Variants in FRMPD4 observed in about 807,000 individuals in gnomAD.
The protein encoded by FRMPD4 is FERM and PDZ domain containing 4, also known as FERM and PDZ domain-containing protein 4.
A neutral mutation model predicts 94.1 loss-of-function variants in FRMPD4; 22 were observed. The observed-to-expected ratio is 0.23, with a 90% CI of 0.17 to 0.33. The LOEUF (loss-of-function observed/expected upper bound fraction) is 0.33, where lower values mean the gene tolerates loss of function less well. FRMPD4 is among the 10% of genes least tolerant of loss of function. FRMPD4 has a pLI of 1.00. For missense variants in FRMPD4, 1,111 were observed against 1,339.9 expected, an observed-to-expected ratio of 0.83 and a Z score of 2.67; for synonymous variants, 631 against 548.6, an observed-to-expected ratio of 1.15 and a Z score of -2.10.
rs776587503 is a variant in FRMPD4, at chrX:12,204,683, C to CCTTCT, written c.41+65681_41+65685dup. Among the ~76,000 whole-genome samples, 76 of 111,100 alleles carry CCTTCT rather than the reference C, an allele frequency of 6.8e-4. 1 individual carries two copies. Among genetic ancestry groups the CCTTCT allele is most frequent in the Non-Finnish European group, 1.1e-3 (60 of 52,969 alleles). ...CATCTCCTGCCTAGAACGCCTTTTC[C>CCTTCT]CTTCTCTTCTCTTCATCACTGTCTT... On this transcript the variant is annotated intron_variant, in intron 1 of 16. Transcript: ENST00000675598.
intron 4 of FRMPD4, among the ~76,000 whole-genome samples, chrX:12,655,917 G>A (rs1223671669): frequency 8.9e-6 from 1 of 112,175 alleles, no homozygotes; most frequent in Admixed American, 9.4e-5. Context: ...TACTTAGTTT[G>A]AGTGAGTTGA....
chrX:11,952,603 C>T (rs954626634), intron 3 of FRMPD4, among the ~76,000 whole-genome samples: 1 of 111,813 alleles, frequency 8.9e-6, no homozygotes, highest in Admixed American at 9.5e-5. Context: ...AGTTTTTTGC[C>T]CTGATTTTTT....
intron 1 of FRMPD4, among the ~76,000 whole-genome samples, chrX:12,249,022 G>A (rs1451082168): frequency 8.9e-6 from 1 of 112,863 alleles, no homozygotes; most frequent in African/African-American, 3.2e-5. Flanking sequence ...CTGGGCGATA[G>A]AATGAGACTC....
intron 3 of FRMPD4, among the ~76,000 whole-genome samples, chrX:11,918,000 A>C (rs2054034255): frequency 8.9e-6 from 1 of 111,919 alleles, no homozygotes; most frequent in Admixed American, 9.5e-5. Flanking sequence ...TGACTAGAAC[A>C]TAGAAGCTGA....
chrX:12,487,582 T>C, intron 1 of FRMPD4, among the ~76,000 whole-genome samples: 1 of 112,225 alleles, frequency 8.9e-6, no homozygotes. Flanking sequence ...TTTTCAAGTG[T>C]ATATGTTTGT....
chrX:12,107,148 C>A (rs2055306846), intron 3 of FRMPD4, among the ~76,000 whole-genome samples: 1 of 111,957 alleles, frequency 8.9e-6, no homozygotes, highest in Admixed American at 9.4e-5. Flanking sequence ...GAGGCACCCT[C>A]CAGTAGGGGC....
intron 3 of FRMPD4, among the ~76,000 whole-genome samples, chrX:11,971,140 G>T (rs1278217077): frequency 8.9e-6 from 1 of 111,951 alleles, no homozygotes; most frequent in Non-Finnish European, 1.9e-5. Context: ...GTCACTGAAT[G>T]TGTCTTAGCT....
At chrX:11,980,010 T>C (rs1289097857) in intron 3 of FRMPD4, among the ~76,000 whole-genome samples, 1 of 112,158 alleles carries the variant, frequency 8.9e-6, no homozygotes, top group East Asian at 2.8e-4. Context: ...TTAATGTGTG[T>C]GTGCACGCAC....
At chrX:12,422,404 A>T (rs61000879) in intron 1 of FRMPD4, among the ~76,000 whole-genome samples, 11,868 of 112,268 alleles carry the variant, frequency 0.11, 1,508 homozygotes, top group African/African-American at 0.36. Flanking sequence ...TTCATCTGAA[A>T]AATGGGGAAC....
At chrX:11,947,513 A>G (rs1201653895) in intron 3 of FRMPD4, among the ~76,000 whole-genome samples, 1 of 112,003 alleles carries the variant, frequency 8.9e-6, no homozygotes, top group East Asian at 2.8e-4. Flanking sequence ...ACAGTTCCTG[A>G]AATGTGAGTC....
At chrX:12,632,976 G>T (rs1223000987) in intron 4 of FRMPD4, among the ~76,000 whole-genome samples, 2 of 112,140 alleles carry the variant, frequency 1.8e-5, no homozygotes, top group East Asian at 5.6e-4. Context: ...AAAGAGAAAA[G>T]GAAGCAGCCA....
At chrX:12,373,297 C>A (rs191509501) in intron 1 of FRMPD4, 44 of 112,127 alleles carry the variant, frequency 3.9e-4, no homozygotes, top group African/African-American at 1.3e-3. Flanking sequence ...ATGCTTTAAC[C>A]TGGGTGTTTA....
At chrX:12,616,233 C>T (rs1459819820) in intron 4 of FRMPD4, among the ~76,000 whole-genome samples, 6 of 111,119 alleles carry the variant, frequency 5.4e-5, no homozygotes, top group African/African-American at 1.6e-4. Context: ...GGATTAGTAT[C>T]CTTATAAAAA....
chrX:11,978,928 C>T (rs1328278815), intron 3 of FRMPD4, among the ~76,000 whole-genome samples: 1 of 111,557 alleles, frequency 9.0e-6, no homozygotes, highest in Non-Finnish European at 1.9e-5. Flanking sequence ...CCCATAATAC[C>T]TTGTACTTTG....
At chrX:11,999,979 C>T (rs767050655) in intron 3 of FRMPD4, among the ~76,000 whole-genome samples, 42 of 112,001 alleles carry the variant, frequency 3.7e-4, no homozygotes, top group Non-Finnish European at 6.2e-4. Context: ...GCTTTGCATT[C>T]TCTCCTACTC....
intron 1 of FRMPD4, among the ~76,000 whole-genome samples, chrX:12,234,382 T>C (rs1487886713): frequency 8.9e-6 from 1 of 112,207 alleles, no homozygotes; most frequent in Admixed American, 9.5e-5. Context: ...GTTGGCACTT[T>C]ACAGCATAAA....
chrX:12,170,213 G>T (rs1234032612), intron 1 of FRMPD4, among the ~76,000 whole-genome samples: 3 of 107,338 alleles, frequency 2.8e-5, no homozygotes, highest in Non-Finnish European at 3.8e-5. Context: ...TGACAACAAG[G>T]TCTCCTATTC....
intron 2 of FRMPD4, among the ~76,000 whole-genome samples, chrX:11,873,713 T>G (rs1358471354): frequency 3.7e-5 from 4 of 109,398 alleles, no homozygotes; most frequent in East Asian, 2.9e-4. Context: ...GGCTTTTTTT[T>G]TTTTAAAAAA....
At position 12,207,814 on chromosome X, in the gene FRMPD4, A is replaced by G. The variant is rs142442601; in HGVS notation, c.41+68802A>G. ...CAAATCCCTAGTTGACTCCTAAACTATGCACATGCAGGTATGATTTCAAGG... is the reference window on the plus strand; with the variant it reads ...CAAATCCCTAGTTGACTCCTAAACTGTGCACATGCAGGTATGATTTCAAGG... On this transcript the variant is annotated intron_variant, in intron 1 of 16. Transcript: ENST00000675598. Among the ~76,000 whole-genome samples the G allele has an allele frequency of 5.2e-3, 584 of 111,407 alleles. 8 individuals carry two copies. The highest frequency in any genetic ancestry group is 0.018 in the African/African-American group (541 of 30,694).
Sources: gnomAD v4.1 joint callset for allele counts (sites outside exome capture counted in the v4.1 genomes callset) on GRCh38, gnomAD v4.1.1 for gene constraint, MANE v1.5 for transcripts, NCBI Gene and HGNC (gene_info 2026-07-23, HGNC 2026-07-21) for gene names.